PRKAR1B: variants seen among roughly 807,000 people sequenced by gnomAD.
The protein encoded by PRKAR1B is protein kinase cAMP-dependent type I regulatory subunit beta.
Under a neutral mutation model 46.5 loss-of-function variants are expected in PRKAR1B, and 22 were observed. The ratio of observed to expected loss-of-function variants is 0.47; its 90% CI spans 0.34 to 0.68. The LOEUF is 0.68. Ranked by LOEUF, PRKAR1B falls within the 30% of genes least tolerant of loss-of-function variation. The pLI is 0.01. For synonymous variants in PRKAR1B, 259 were observed against 217.7 expected, an observed-to-expected ratio of 1.19 and a Z score of -1.67; for missense variants, 445 against 535.6, an observed-to-expected ratio of 0.83 and a Z score of 1.67.
intron 8 of PRKAR1B, among the ~76,000 whole-genome samples, chr7:580,923 G>A (rs530734545): frequency 6.6e-6 from 1 of 152,154 alleles, no homozygotes; most frequent in South Asian, 2.1e-4. Flanking sequence ...TGCTTCCCAC[G>A]AACCCCAGGG....
At chr7:569,285 T>C (rs1779360188) in intron 9 of PRKAR1B, among the ~76,000 whole-genome samples, 1 of 152,138 alleles carries the variant, frequency 6.6e-6, no homozygotes, top group Non-Finnish European at 1.5e-5. Context: ...TGGCCCTCTA[T>C]CCACGCAGAG....
At chr7:584,076 C>A (rs1369630872) in intron 8 of PRKAR1B, among the ~76,000 whole-genome samples, 1 of 152,152 alleles carries the variant, frequency 6.6e-6, no homozygotes, top group Non-Finnish European at 1.5e-5. Context: ...AGAGGCGGCT[C>A]CCAGAGAAAC....
chr7:622,934 G>T (rs139132818), intron 4 of PRKAR1B, among the ~76,000 whole-genome samples: 1,643 of 152,272 alleles, frequency 0.011, 16 homozygotes, highest in South Asian at 0.018. Flanking sequence ...CCCTCGCTGG[G>T]GAAGAACCTC....
intron 7 of PRKAR1B, among the ~76,000 whole-genome samples, chr7:586,923 G>A (rs1218416191): frequency 4.5e-4 from 61 of 134,458 alleles, no homozygotes; most frequent in Non-Finnish European, 8.2e-4. Context: ...TCACTCTGTT[G>A]CCCAGGCTGG....
At chr7:626,177 A>G (rs1462626315) in intron 4 of PRKAR1B, among the ~76,000 whole-genome samples, 3 of 152,246 alleles carry the variant, frequency 2.0e-5, no homozygotes, top group Admixed American at 2.0e-4. Flanking sequence ...ATCAGTAATT[A>G]TTAACCTTTC....
intron 7 of PRKAR1B, among the ~76,000 whole-genome samples, chr7:595,004 C>G (rs577571833): frequency 1.5e-4 from 23 of 152,358 alleles, no homozygotes; most frequent in African/African-American, 5.3e-4. Flanking sequence ...CCCAAACCGG[C>G]CCAGGGAACT....
chr7:582,286 C>T (rs969423527), intron 8 of PRKAR1B, among the ~76,000 whole-genome samples: 6 of 152,266 alleles, frequency 3.9e-5, no homozygotes, highest in Non-Finnish European at 8.8e-5. Context: ...CAGGAGAAAG[C>T]GGGGTCCCAG....
chr7:670,912 G>A (rs1276777935), intron 4 of PRKAR1B, among the ~76,000 whole-genome samples: 1 of 152,250 alleles, frequency 6.6e-6, no homozygotes, highest in Non-Finnish European at 1.5e-5. Flanking sequence ...CGAGGACACG[G>A]CATCAGCCCC....
intron 2 of PRKAR1B, among the ~76,000 whole-genome samples, chr7:696,050 C>T (rs752528091): frequency 2.7e-5 from 4 of 150,594 alleles, no homozygotes; most frequent in Non-Finnish European, 5.9e-5. Context: ...CTCACTGCAG[C>T]CTCGACCACC....
intron 7 of PRKAR1B, among the ~76,000 whole-genome samples, chr7:587,728 C>T (rs1780679166): frequency 6.6e-6 from 1 of 151,998 alleles, no homozygotes; most frequent in African/African-American, 2.4e-5. Flanking sequence ...CCTGTGCAGC[C>T]CTCCTGGCTG....
intron 9 of PRKAR1B, among the ~76,000 whole-genome samples, chr7:574,387 C>T (rs533035339): frequency 6.6e-6 from 1 of 152,278 alleles, no homozygotes; most frequent in South Asian, 2.1e-4. Context: ...TAGGGCCAGA[C>T]AGGGCTGCAG....
At chr7:669,443 T>C (rs1001145251) in intron 4 of PRKAR1B, among the ~76,000 whole-genome samples, 1 of 152,136 alleles carries the variant, frequency 6.6e-6, no homozygotes, top group African/African-American at 2.4e-5. Context: ...TGAATGTAAC[T>C]AATGCCACTG....
At chr7:646,240 T>C (rs934661317) in intron 4 of PRKAR1B, among the ~76,000 whole-genome samples, 2 of 152,138 alleles carry the variant, frequency 1.3e-5, no homozygotes, top group African/African-American at 4.8e-5. Flanking sequence ...GACAGGGTCT[T>C]CCTATGTTCC....
chr7:583,471 T>TCACACGCACACACGTGTGCACACCCATA (rs544138975), intron 8 of PRKAR1B, among the ~76,000 whole-genome samples: 2 of 121,642 alleles, frequency 1.6e-5, no homozygotes, highest in African/African-American at 6.5e-5. Context: ...ACACGTGCAC[T>TCACACGCACACACGTGTGCACACCCATA]CACACCCACG....
At chr7:591,130 C>T (rs1268767949) in intron 7 of PRKAR1B, among the ~76,000 whole-genome samples, 1 of 152,290 alleles carries the variant, frequency 6.6e-6, no homozygotes, top group Admixed American at 6.5e-5. Flanking sequence ...TGCACCCGTC[C>T]ATCTCTCGCG....
At chr7:629,349 C>T (rs1250240430) in intron 4 of PRKAR1B, among the ~76,000 whole-genome samples, 1 of 146,334 alleles carries the variant, frequency 6.8e-6, no homozygotes, top group Non-Finnish European at 1.5e-5. Flanking sequence ...GAAGGCACCA[C>T]CACCCCAAGG....
At chr7:606,159 C>G (rs769133087) in intron 6 of PRKAR1B, 34 bp downstream of exon 6, 44 of 1,611,326 alleles carry the variant, frequency 2.7e-5, no homozygotes, top group Non-Finnish European at 3.4e-5. Flanking sequence ...TGCAAAGACG[C>G]GCTATTTTCC....
At chr7:659,084 G>A (rs137901390) in intron 4 of PRKAR1B, among the ~76,000 whole-genome samples, 1,623 of 144,830 alleles carry the variant, frequency 0.011, 14 homozygotes, top group Middle Eastern at 0.018. Context: ...TGTGCAGGAC[G>A]GCTCACAAAC....
intron 4 of PRKAR1B, among the ~76,000 whole-genome samples, chr7:632,870 C>CCAA: frequency 1.3e-5 from 2 of 152,052 alleles, no homozygotes; most frequent in East Asian, 3.9e-4. Context: ...CAAGGAGCCC[C>CCAA]CGACGGCCGG....
Sources: allele counts gnomAD v4.1 joint callset (sites outside exome capture counted in the v4.1 genomes callset), GRCh38; gene constraint gnomAD v4.1.1; transcripts MANE v1.5; gene names NCBI Gene and HGNC (gene_info 2026-07-23, HGNC 2026-07-21).